Variants in LINGO1 observed in about 807,000 individuals in gnomAD.
LINGO1 encodes leucine-rich repeat and immunoglobulin-like domain-containing nogo receptor-interacting protein 1.
A neutral mutation model predicts 37.3 loss-of-function variants in LINGO1; 11 were observed. The ratio of observed to expected loss-of-function variants is 0.29; its 90% CI spans 0.19 to 0.49. LINGO1 has a LOEUF of 0.49. Among genes scored for constraint, LINGO1 ranks in the 20% least tolerant of loss-of-function variants. The pLI, the probability that LINGO1 is intolerant of heterozygous loss-of-function variation, is 0.99. For missense variants in LINGO1, 585 were observed against 878.2 expected, an observed-to-expected ratio of 0.67 and a Z score of 4.22; for synonymous variants, 387 against 403.0, an observed-to-expected ratio of 0.96 and a Z score of 0.48.
intron 2 of LINGO1, among the ~76,000 whole-genome samples, chr15:77,733,830 T>G (rs1021206183): frequency 2.0e-5 from 3 of 152,082 alleles, no homozygotes; most frequent in Non-Finnish European, 4.4e-5. Flanking sequence ...CACTGGCCCT[T>G]GCAGGGGTGT....
At chr15:77,720,591 TCCCGATTGAGAAAAGCAGTCCTTA>T (rs1739606838) in intron 2 of LINGO1, 1 of 152,250 alleles carries the variant, frequency 6.6e-6, no homozygotes, top group African/African-American at 2.4e-5. Flanking sequence ...AACATAATTA[TCCCGATTGAGAAAAGCAGTCCTTA>T]CCCCATAGAT....
chr15:77,802,921 C>A (rs931870598), intron 1 of LINGO1, among the ~76,000 whole-genome samples: 1 of 152,160 alleles, frequency 6.6e-6, no homozygotes, highest in East Asian at 1.9e-4. Flanking sequence ...CCCCCTGGGG[C>A]CCATCCCCAA....
chr15:77,626,269 GAGAGA>G (rs2074088153), intron 1 of LINGO1, among the ~76,000 whole-genome samples: 1 of 107,684 alleles, frequency 9.3e-6, no homozygotes, highest in Non-Finnish European at 1.6e-5. Flanking sequence ...AGGGACAGGT[GAGAGA>G]GTTTGGGTTA....
Position 77,613,938 on chromosome 15 carries a change from T to A in LINGO1, c.*106A>T, listed in dbSNP as rs2073592025. 3.3e-6 allele frequency: 3 copies of A among 909,430 alleles called. No individual in the cohort carries two copies. The highest frequency in any genetic ancestry group is 2.7e-5 in the Admixed American group (1 of 37,642). The allele number at this position is 909,430 out of a possible 1,614,324, so 56.3% of individuals were successfully genotyped here. A position where few individuals can be genotyped will look rare whatever the true frequency, so the allele number is the denominator to read the frequency against. On this transcript the variant is annotated 3_prime_UTR_variant, in exon 2 of 2. Transcript: ENST00000355300. ...AGGCGGGAGGGAGAAAGAGAACGTG[T>A]GTAGAAGGGTAGGGAGGAGGTGGGA... is the stretch of plus-strand genomic sequence containing the variant.
chr15:77,784,741 T>A (rs867432209), intron 1 of LINGO1: 6 of 152,064 alleles, frequency 3.9e-5, no homozygotes, highest in Admixed American at 1.3e-4. Flanking sequence ...CCTGGGAAGG[T>A]CCCCTGGGTT....
intron 2 of LINGO1, among the ~76,000 whole-genome samples, chr15:77,712,609 C>T (rs1258010607): frequency 6.6e-6 from 1 of 152,194 alleles, no homozygotes; most frequent in East Asian, 1.9e-4. Flanking sequence ...GGCCACCTCA[C>T]CTCCCCACTC....
chr15:77,635,154 A>T (rs375876984), upstream of LINGO1, among the ~76,000 whole-genome samples: 1 of 152,166 alleles, frequency 6.6e-6, no homozygotes, highest in African/African-American at 2.4e-5. Flanking sequence ...AGGGATGACC[A>T]CGGAGCTGTG....
At chr15:77,621,939 G>C (rs866309876) in intron 1 of LINGO1, among the ~76,000 whole-genome samples, 1 of 152,244 alleles carries the variant, frequency 6.6e-6, no homozygotes, top group Non-Finnish European at 1.5e-5. Flanking sequence ...CTGGCATGGA[G>C]GCGTCTGCCC....
At chr15:77,653,947 T>G (rs1177247638) in intron 3 of LINGO1, among the ~76,000 whole-genome samples, 4 of 152,244 alleles carry the variant, frequency 2.6e-5, no homozygotes, top group African/African-American at 9.6e-5. Context: ...GAATGTTAAC[T>G]AATATACCAA....
intron 1 of LINGO1, among the ~76,000 whole-genome samples, chr15:77,770,038 G>C (rs2076568710): frequency 6.6e-6 from 1 of 152,178 alleles, no homozygotes; most frequent in African/African-American, 2.4e-5. Flanking sequence ...GTCCACCTGA[G>C]ATGGGGGTCC....
At chr15:77,665,756 C>T (rs1596074948) in intron 3 of LINGO1, among the ~76,000 whole-genome samples, 1 of 152,216 alleles carries the variant, frequency 6.6e-6, no homozygotes, top group Admixed American at 6.5e-5. Flanking sequence ...TCCAGGCTGC[C>T]CTGCATGTGT....
chr15:77,653,041 G>A (rs1243832009), intron 3 of LINGO1, among the ~76,000 whole-genome samples: 1 of 152,232 alleles, frequency 6.6e-6, no homozygotes, highest in Non-Finnish European at 1.5e-5. Flanking sequence ...TGGCAAAGAA[G>A]CTCTCAGAAT....
intron 2 of LINGO1, among the ~76,000 whole-genome samples, chr15:77,731,069 A>G (rs2076150169): frequency 6.6e-6 from 1 of 152,210 alleles, no homozygotes; most frequent in Admixed American, 6.5e-5. Context: ...CATGCTTGGC[A>G]TTCAATGTCT....
At position 77,690,369 on chromosome 15, in the gene LINGO1, G is replaced by A. The variant is rs137974529; in HGVS notation, c.-99+351C>T. Among the ~76,000 whole-genome samples, 845 of 152,306 alleles carry A rather than the reference G, an allele frequency of 5.5e-3. 3 individuals are homozygous for A. The highest frequency in any genetic ancestry group is 9.1e-3 in the Non-Finnish European group (622 of 68,030). ...CTAGAAGCATGTTACCACAGAAACT[G>A]CTGCCAGGCATCTTTTGACCATGTC... On this transcript the variant is annotated intron_variant, in intron 2 of 3. Transcript: ENST00000559893.
intron 1 of LINGO1, among the ~76,000 whole-genome samples, chr15:77,767,136 C>G (rs2076538096): frequency 6.6e-6 from 1 of 152,228 alleles, no homozygotes; most frequent in Non-Finnish European, 1.5e-5. Context: ...TGACCCTCAT[C>G]AAGACAGAGA....
At chr15:77,696,890 G>A (rs568155278), upstream of LINGO1, among the ~76,000 whole-genome samples, 604 of 152,384 alleles carry the variant, frequency 4.0e-3, 6 homozygotes, top group Middle Eastern at 0.02. Context: ...AGGCATGGGC[G>A]GGGCCCACAG....
chr15:77,664,669 C>G (rs1421755282), intron 3 of LINGO1, among the ~76,000 whole-genome samples: 3 of 152,172 alleles, frequency 2.0e-5, no homozygotes, highest in African/African-American at 7.2e-5. Context: ...ATGCCTACTT[C>G]TATCCACCAG....
chr15:77,708,959 AG>A (rs2075885803), intron 2 of LINGO1, among the ~76,000 whole-genome samples: 1 of 152,144 alleles, frequency 6.6e-6, no homozygotes, highest in Non-Finnish European at 1.5e-5. Context: ...CACTCAGGGG[AG>A]GAGGCCACAT....
intron 1 of LINGO1, among the ~76,000 whole-genome samples, chr15:77,695,277 A>G (rs1001417355): frequency 1.3e-5 from 2 of 152,122 alleles, no homozygotes; most frequent in African/African-American, 4.8e-5. Context: ...CCCGGTGAGC[A>G]GATGGGGTGG....
Sources: allele counts gnomAD v4.1 joint callset (sites outside exome capture counted in the v4.1 genomes callset), GRCh38; gene constraint gnomAD v4.1.1; transcripts MANE v1.5; gene names NCBI Gene and HGNC (gene_info 2026-07-23, HGNC 2026-07-21).